Variants in ZNF69 observed in about 807,000 individuals in gnomAD.
The protein encoded by ZNF69 is zinc finger protein 69, also known as ZNF3.
A neutral mutation model predicts 50.9 loss-of-function variants in ZNF69; 47 were observed. The ratio of observed to expected loss-of-function variants is 0.92; its 90% CI spans 0.73 to 1.18. The LOEUF is 1.18. Among genes scored for constraint, ZNF69 ranks in the 50% most tolerant of loss-of-function variants. The pLI is 0.00. For synonymous variants in ZNF69, 216 were observed against 223.1 expected (o/e 0.97, Z 0.29); for missense variants, 717 against 675.1 (o/e 1.06, Z -0.69).
chr19:11,938,812 C>T, the ZNF69 span, among the ~76,000 whole-genome samples: 1 of 152,170 alleles, frequency 6.6e-6, no homozygotes, highest in Non-Finnish European at 1.5e-5. Context: ...CTGTCTTCCA[C>T]AATGGTTGAA....
chr19:11,947,337 G>A, the ZNF69 span: 1 of 1,612,612 alleles, frequency 6.2e-7, no homozygotes, highest in African/African-American at 1.3e-5. Flanking sequence ...TTCCGTCAGT[G>A]CATTAGCAAA....
intron 1 of ZNF69, among the ~76,000 whole-genome samples, chr19:11,899,257 G>A (rs1299353100): frequency 6.6e-6 from 1 of 152,110 alleles, no homozygotes; most frequent in African/African-American, 2.4e-5. Context: ...TGCATTGAAG[G>A]TCTCTCGATA....
At chr19:11,927,506 G>A in the ZNF69 span, among the ~76,000 whole-genome samples, 1 of 151,950 alleles carries the variant, frequency 6.6e-6, no homozygotes, top group Non-Finnish European at 1.5e-5. Flanking sequence ...TTTCAGAGTA[G>A]GGCATCCTCA....
At chr19:11,915,944 G>A (rs1972518155), downstream of ZNF69, among the ~76,000 whole-genome samples, 1 of 152,030 alleles carries the variant, frequency 6.6e-6, no homozygotes, top group Non-Finnish European at 1.5e-5. Context: ...TTCCCCTGAT[G>A]CCCCCACTGC....
At chr19:11,970,570 T>C in the ZNF69 span, among the ~76,000 whole-genome samples, 1 of 152,236 alleles carries the variant, frequency 6.6e-6, no homozygotes, top group African/African-American at 2.4e-5. Context: ...TAACCATTTG[T>C]CCCTGCTTTT....
the ZNF69 span, among the ~76,000 whole-genome samples, chr19:11,919,977 C>T: frequency 6.6e-6 from 1 of 152,098 alleles, no homozygotes; most frequent in Non-Finnish European, 1.5e-5. Flanking sequence ...TTTGGATCTA[C>T]CTGGAATGTC....
At chr19:11,979,206 T>A in the ZNF69 span, 5 of 1,611,280 alleles carry the variant, frequency 3.1e-6, no homozygotes, top group South Asian at 5.5e-5. Context: ...GCATGCCATG[T>A]GGTAAAGCCT....
the ZNF69 span, among the ~76,000 whole-genome samples, chr19:11,974,997 A>G: frequency 6.6e-6 from 1 of 152,196 alleles, no homozygotes; most frequent in East Asian, 1.9e-4. Context: ...TAGTTGGAGA[A>G]ATCTACATAA....
At chr19:11,899,871 C>T (rs973837750) in intron 1 of ZNF69, among the ~76,000 whole-genome samples, 12 of 152,290 alleles carry the variant, frequency 7.9e-5, no homozygotes, top group African/African-American at 2.6e-4. Context: ...AAGGAGAGTT[C>T]ACTGTCTCCA....
the ZNF69 span, chr19:11,953,347 C>T: frequency 6.6e-6 from 1 of 152,228 alleles, no homozygotes; most frequent in Admixed American, 6.5e-5. Context: ...TGTCTTGATC[C>T]TTCACAAAGA....
At chr19:11,927,376 A>C in the ZNF69 span, among the ~76,000 whole-genome samples, 1 of 151,908 alleles carries the variant, frequency 6.6e-6, no homozygotes, top group African/African-American at 2.4e-5. Flanking sequence ...CAAACAGGAA[A>C]GAGGTCAAGA....
At chr19:11,917,440 G>C (rs912798352), downstream of ZNF69, among the ~76,000 whole-genome samples, 1 of 152,180 alleles carries the variant, frequency 6.6e-6, no homozygotes, top group Admixed American at 6.5e-5. Context: ...CACTACCTAG[G>C]AGTGGGCCAG....
chr19:11,949,912 A>G, the ZNF69 span: 2 of 1,614,120 alleles, frequency 1.2e-6, no homozygotes, highest in East Asian at 4.5e-5. Flanking sequence ...GAAAGCCTTC[A>G]GATCTGCCTC....
chr19:11,967,411 T>C, the ZNF69 span, among the ~76,000 whole-genome samples: 1 of 152,110 alleles, frequency 6.6e-6, no homozygotes, highest in South Asian at 2.1e-4. Flanking sequence ...TGTCTCTATT[T>C]TGTTTTTTTT....
chr19:11,899,994 G>C (rs1176724723), intron 1 of ZNF69, among the ~76,000 whole-genome samples: 1 of 151,518 alleles, frequency 6.6e-6, no homozygotes, highest in East Asian at 1.9e-4. Context: ...CGTTCTTGTT[G>C]CCCAGACTGG....
chr19:11,892,909 A>G (rs1252313136), intron 1 of ZNF69, among the ~76,000 whole-genome samples: 1 of 152,136 alleles, frequency 6.6e-6, no homozygotes, highest in Non-Finnish European at 1.5e-5. Flanking sequence ...ATCTCAGTTC[A>G]CTGCAGCCTT....
At chr19:11,933,150 C>G in the ZNF69 span, among the ~76,000 whole-genome samples, 2 of 147,142 alleles carry the variant, frequency 1.4e-5, no homozygotes, top group South Asian at 4.2e-4. Context: ...AGGTGCTGTG[C>G]CTCATACCTG....
chr19:11,968,256 A>C, the ZNF69 span, among the ~76,000 whole-genome samples: 1 of 149,376 alleles, frequency 6.7e-6, no homozygotes. Flanking sequence ...CAATAATTTA[A>C]TTTTTTTTTT....
At chr19:11,921,028 T>C in the ZNF69 span, among the ~76,000 whole-genome samples, 1 of 152,216 alleles carries the variant, frequency 6.6e-6, no homozygotes, top group Non-Finnish European at 1.5e-5. Flanking sequence ...CATGTTAATA[T>C]GTCCAAAGCT....
Sources: gnomAD v4.1 joint callset for allele counts (sites outside exome capture counted in the v4.1 genomes callset) on GRCh38, gnomAD v4.1.1 for gene constraint, MANE v1.5 for transcripts, NCBI Gene and HGNC (gene_info 2026-07-23, HGNC 2026-07-21) for gene names.